Variants in NRG3 observed in about 807,000 individuals in gnomAD.
NRG3 encodes the protein pro-neuregulin-3, membrane-bound isoform.
Under a neutral mutation model 66.9 loss-of-function variants are expected in NRG3, and 31 were observed. The ratio of observed to expected loss-of-function variants is 0.46; its 90% CI spans 0.35 to 0.63. The LOEUF (loss-of-function observed/expected upper bound fraction) is 0.63. Ranked by LOEUF, NRG3 falls within the 20% of genes least tolerant of loss-of-function variation. The pLI is 0.00. For missense variants in NRG3, 910 were observed against 878.9 expected, an observed-to-expected ratio of 1.04 and a Z score of -0.45; for synonymous variants, 393 against 359.4, an observed-to-expected ratio of 1.09 and a Z score of -1.06.
intron 1 of NRG3, among the ~76,000 whole-genome samples, chr10:82,179,083 A>T (rs1000658789): frequency 6.6e-6 from 1 of 151,970 alleles, no homozygotes; most frequent in Non-Finnish European, 1.5e-5. Context: ...TTCAAATCAG[A>T]TAATTGGAGC....
rs527750499 is a variant in NRG3 at position 82,215,701 on chromosome 10, C to G, written c.824-143038C>G. Among the ~76,000 whole-genome samples, 8 of 152,294 alleles carry G rather than the reference C, an allele frequency of 5.3e-5. No homozygotes were observed. The East Asian group carries it at 5.8e-4, about 11-fold the overall frequency. On this transcript the variant is annotated intron_variant, in intron 1 of 8. Coordinates refer to ENST00000372141, the MANE Select transcript of NRG3 (RefSeq NM_001010848.4). ...CACAGGCAGACTTCTGTTGACAACACTATTGACCTATATATGAAACTTTGA... is the reference window on the plus strand; with the variant it reads ...CACAGGCAGACTTCTGTTGACAACAGTATTGACCTATATATGAAACTTTGA...
chr10:82,389,377 C>G (rs1277347333), intron 2 of NRG3, among the ~76,000 whole-genome samples: 1 of 152,088 alleles, frequency 6.6e-6, no homozygotes, highest in Non-Finnish European at 1.5e-5. Flanking sequence ...CTTTCACTAC[C>G]TAGGATTCAC....
At chr10:82,757,797 G>C (rs1207975645) in intron 3 of NRG3, among the ~76,000 whole-genome samples, 1 of 151,652 alleles carries the variant, frequency 6.6e-6, no homozygotes, top group African/African-American at 2.4e-5. Flanking sequence ...TTGAAGGAAG[G>C]AATAATTGCT....
intron 1 of NRG3, among the ~76,000 whole-genome samples, chr10:81,983,361 C>T (rs969921306): frequency 6.6e-5 from 10 of 152,198 alleles, no homozygotes; most frequent in Non-Finnish European, 1.2e-4. Context: ...TCACAGCACA[C>T]CCCTCTTTAT....
intron 1 of NRG3, among the ~76,000 whole-genome samples, chr10:82,109,535 TTGTG>T (rs747213240): frequency 0.15 from 20,539 of 138,494 alleles, 1,617 homozygotes; most frequent in East Asian, 0.31. Context: ...AAGAATAAGA[TTGTG>T]TGTGTGTGTG....
chr10:82,642,008 A>T (rs1377319203), intron 2 of NRG3, among the ~76,000 whole-genome samples: 1 of 152,044 alleles, frequency 6.6e-6, no homozygotes, highest in African/African-American at 2.4e-5. Flanking sequence ...CCTATTGTTT[A>T]TTATTCCACA....
chr10:82,537,298 G>T (rs187269983), intron 2 of NRG3, among the ~76,000 whole-genome samples: 1 of 152,158 alleles, frequency 6.6e-6, no homozygotes, highest in African/African-American at 2.4e-5. Flanking sequence ...CATTTTCATG[G>T]AATGAACAGG....
intron 2 of NRG3, among the ~76,000 whole-genome samples, chr10:82,478,132 G>A (rs1841952560): frequency 6.6e-6 from 1 of 151,974 alleles, no homozygotes; most frequent in Non-Finnish European, 1.5e-5. Context: ...CTTTAATAGG[G>A]CACAAGAACC....
At chr10:82,645,226 A>C (rs1339797) in intron 2 of NRG3, among the ~76,000 whole-genome samples, 38,903 of 152,042 alleles carry the variant, frequency 0.26, 5,228 homozygotes, top group East Asian at 0.42. Flanking sequence ...ACATTTACAC[A>C]AGACTTGAAA....
At chr10:82,395,327 C>T (rs1398305253) in intron 2 of NRG3, among the ~76,000 whole-genome samples, 3 of 152,130 alleles carry the variant, frequency 2.0e-5, no homozygotes, top group African/African-American at 7.2e-5. Context: ...CAAGTAAGCA[C>T]ACAGAAAATT....
chr10:82,574,906 G>A (rs1358773775), intron 2 of NRG3, among the ~76,000 whole-genome samples: 1 of 151,742 alleles, frequency 6.6e-6, no homozygotes, highest in Admixed American at 6.6e-5. Context: ...GAGTAGAATG[G>A]TGGTTACCAG....
chr10:82,167,344 G>T (rs1564626192), intron 1 of NRG3, among the ~76,000 whole-genome samples: 1 of 152,014 alleles, frequency 6.6e-6, no homozygotes, highest in Non-Finnish European at 1.5e-5. Context: ...GCTGGACTAA[G>T]GCAGTATTCA....
At chr10:82,550,345 C>T (rs1392726957) in intron 2 of NRG3, among the ~76,000 whole-genome samples, 1 of 152,114 alleles carries the variant, frequency 6.6e-6, no homozygotes, top group Non-Finnish European at 1.5e-5. Context: ...CAAGGGAAGT[C>T]GGGATAGTAA....
rs569142591 is a variant in NRG3, at chr10:82,838,066, A to G, written c.1028-27345A>G. On this transcript the variant is annotated intron_variant, in intron 3 of 8. Coordinates refer to ENST00000372141, the MANE Select transcript of NRG3 (RefSeq NM_001010848.4). Reference sequence around the variant, plus strand: ...AGTTGGAGTGTCTGCACACACCATCATTTGCTGCCAATTTATTTAGCACTA... The same window carrying G: ...AGTTGGAGTGTCTGCACACACCATCGTTTGCTGCCAATTTATTTAGCACTA... 4.6e-5 allele frequency among the ~76,000 whole-genome samples: 7 copies of G among 152,294 alleles called. No individual in the cohort carries two copies. In the East Asian group the frequency reaches 1.3e-3, roughly 29 times the overall value.
chr10:82,753,348 A>G (rs893601582), intron 3 of NRG3, among the ~76,000 whole-genome samples: 1 of 150,990 alleles, frequency 6.6e-6, no homozygotes, highest in Non-Finnish European at 1.5e-5. Flanking sequence ...GTTATTGGTG[A>G]TTTTCTTATT....
At chr10:82,758,335 C>T (rs937587963) in intron 3 of NRG3, among the ~76,000 whole-genome samples, 4 of 151,972 alleles carry the variant, frequency 2.6e-5, no homozygotes, top group Admixed American at 1.3e-4. Context: ...AATATAAAGT[C>T]TAACAGTTTT....
At chr10:82,898,342 G>C (rs574556585) in intron 4 of NRG3, among the ~76,000 whole-genome samples, 1 of 152,256 alleles carries the variant, frequency 6.6e-6, no homozygotes, top group East Asian at 1.9e-4. Flanking sequence ...AAAACGTGGA[G>C]GCAAATATGT....
chr10:82,708,499 C>T (rs910144512), intron 2 of NRG3, among the ~76,000 whole-genome samples: 2 of 152,110 alleles, frequency 1.3e-5, no homozygotes, highest in Admixed American at 6.6e-5. Flanking sequence ...GTGTCTGTGG[C>T]TCCCTTCTTT....
At chr10:82,507,346 G>C (rs1393784590) in intron 2 of NRG3, among the ~76,000 whole-genome samples, 1 of 152,140 alleles carries the variant, frequency 6.6e-6, no homozygotes, top group Non-Finnish European at 1.5e-5. Context: ...AGTGAGGTGA[G>C]AAGAGGAAGC....
Sources: allele counts gnomAD v4.1 joint callset (sites outside exome capture counted in the v4.1 genomes callset), GRCh38; gene constraint gnomAD v4.1.1; transcripts MANE v1.5; gene names NCBI Gene and HGNC (gene_info 2026-07-23, HGNC 2026-07-21).